KRT86: variants seen among roughly 807,000 people sequenced by gnomAD.
KRT86 encodes keratin, type II cuticular Hb6.
A neutral mutation model predicts 41.2 loss-of-function variants in KRT86; 30 were observed. That is an observed-to-expected ratio of 0.73 (90% CI 0.54 to 0.99). The LOEUF (loss-of-function observed/expected upper bound fraction) is 0.99, where lower values mean the gene tolerates loss of function less well. Among genes scored for constraint, KRT86 ranks in the 50% least tolerant of loss-of-function variants. KRT86 has a pLI of 0.00. For missense variants in KRT86, 561 were observed against 571.4 expected, an observed-to-expected ratio of 0.98 and a Z score of 0.19; for synonymous variants, 238 against 238.1, an observed-to-expected ratio of 1.00 and a Z score of 0.00.
chr12:52,287,139 C>T lies in KRT86; in HGVS notation c.-5+11193C>T, dbSNP rs759844211. On this transcript the variant is annotated intron_variant, in intron 2 of 10. Coordinates refer to ENST00000423955, the MANE Select transcript of KRT86 (RefSeq NM_001320198.2). ...CCCTCCAGCAGGCGCCTGTAGGTGG[C>T]GATCTCGATGTCCAGGCCCAGCTTG... 11 of 1,613,202 alleles carry T rather than the reference C, an allele frequency of 6.8e-6. No individual in the cohort carries two copies. The East Asian group carries it at 1.1e-4, about 16-fold the overall frequency.
chr12:52,301,100 G>A (rs1938361731), intron 2 of KRT86, among the ~76,000 whole-genome samples: 1 of 152,058 alleles, frequency 6.6e-6, no homozygotes, highest in African/African-American at 2.4e-5. Context: ...GTGTGTGTGT[G>A]AGATGGTGGG....
At chr12:52,287,739 G>C (rs375291221) in intron 2 of KRT86, 1 of 1,613,924 alleles carries the variant, frequency 6.2e-7, no homozygotes, top group African/African-American at 1.3e-5. Context: ...AAGTAGAGAT[G>C]CTCATGAGGT....
intron 2 of KRT86, chr12:52,291,639 C>T: frequency 3.2e-6 from 3 of 952,364 alleles, no homozygotes; most frequent in Middle Eastern, 3.2e-4. Flanking sequence ...GGGTGGTTAG[C>T]CGGGTCTAAC....
At chr12:52,277,143 T>A (rs1031067792) in intron 2 of KRT86, among the ~76,000 whole-genome samples, 6 of 152,178 alleles carry the variant, frequency 3.9e-5, no homozygotes, top group Non-Finnish European at 2.9e-5. Context: ...GATATTCTTC[T>A]TGCTAGTTTT....
At chr12:52,308,160 TC>T (rs1402311044) in intron 9 of KRT86, 72 bp from the exon 10 acceptor site, 11 of 1,592,656 alleles carry the variant, frequency 6.9e-6, no homozygotes, top group Middle Eastern at 1.7e-4. Context: ...GCCACAGATG[TC>T]CCCCTCCACT....
In KRT86 at chr12:52,308,648, A is replaced by T; in HGVS notation, c.*63A>T. On this transcript the variant is annotated 3_prime_UTR_variant, in exon 11 of 11. Coordinates refer to ENST00000423955, the MANE Select transcript of KRT86 (RefSeq NM_001320198.2). ...CTCCACCCAGCCAGTACCTCGCGCCACCAGAACGCGCCGCCCGCGCCGGCC... is the reference window on the plus strand; with the variant it reads ...CTCCACCCAGCCAGTACCTCGCGCCTCCAGAACGCGCCGCCCGCGCCGGCC... The T allele has an allele frequency of 6.6e-7, 1 of 1,520,692 alleles. No homozygotes were observed. Among genetic ancestry groups the T allele is most frequent in the Non-Finnish European group, 8.9e-7 (1 of 1,121,394 alleles). 94.2% of individuals were successfully genotyped at this position (1,520,692 alleles called of 1,614,324 possible).
At chr12:52,287,846 G>A (rs1282994283) in intron 2 of KRT86, 18 of 1,601,808 alleles carry the variant, frequency 1.1e-5, no homozygotes, top group African/African-American at 4.0e-5. Context: ...GTCCTGCCCT[G>A]CCACCCCAAC....
At chr12:52,287,583 A>G (rs1937989773) in intron 2 of KRT86, 1 of 1,613,940 alleles carries the variant, frequency 6.2e-7, no homozygotes. Context: ...CCTTGCGCAC[A>G]GATGCCCCAT....
At position 52,308,701 on chromosome 12, in the gene KRT86, A is replaced by C; in HGVS notation, c.*116A>C. The C allele has an allele frequency of 9.9e-7, 1 of 1,014,430 alleles. No individual in the cohort carries two copies. The highest frequency in any genetic ancestry group is 1.6e-5 in the African/African-American group (1 of 62,656). The allele number at this position is 1,014,430 out of a possible 1,614,324, so 62.8% of individuals were successfully genotyped here. Reference sequence around the variant, plus strand: ...CCAATAGCCGCCGCCCGCTGCCTGCACTCTAAGCGCCCTCCCCACCGCTCC... The same window carrying C: ...CCAATAGCCGCCGCCCGCTGCCTGCCCTCTAAGCGCCCTCCCCACCGCTCC... On this transcript the variant is annotated 3_prime_UTR_variant, in exon 11 of 11. Transcript: ENST00000423955.
At chr12:52,288,765 T>A (rs568109612) in intron 2 of KRT86, among the ~76,000 whole-genome samples, 1 of 151,996 alleles carries the variant, frequency 6.6e-6, no homozygotes, top group African/African-American at 2.4e-5. Flanking sequence ...ACCCTGACCC[T>A]TTCCTGTCCC....
rs4076515 is a variant in KRT86, at chr12:52,308,712, C to T, written c.*127C>T. ...CGCCCGCTGCCTGCACTCTAAGCGCCCTCCCCACCGCTCCGCTCCGGGAGC... is the reference window on the plus strand; with the variant it reads ...CGCCCGCTGCCTGCACTCTAAGCGCTCTCCCCACCGCTCCGCTCCGGGAGC... On this transcript the variant is annotated 3_prime_UTR_variant, in exon 11 of 11. Transcript: ENST00000423955. 426,663 of 875,672 alleles carry T rather than the reference C, an allele frequency of 0.49. 107,573 individuals are homozygous for T. The highest frequency in any genetic ancestry group is 0.68 in the African/African-American group (40,290 of 59,686). The allele number at this position is 875,672 out of a possible 1,614,324, so 54.2% of individuals were successfully genotyped here.
intron 9 of KRT86, chr12:52,306,871 G>A (rs1220957883): frequency 1.2e-5 from 2 of 164,626 alleles, no homozygotes; most frequent in African/African-American, 4.8e-5. Flanking sequence ...CAGAGGTGGG[G>A]GGAGTGGAGA....
At chr12:52,295,772 A>G (rs1349679491) in intron 2 of KRT86, among the ~76,000 whole-genome samples, 2 of 152,216 alleles carry the variant, frequency 1.3e-5, no homozygotes, top group African/African-American at 4.8e-5. Context: ...GAATGAATGA[A>G]AAGAATACCA....
Position 52,288,387 on chromosome 12 carries a change from C to T in KRT86, c.-5+12441C>T, listed in dbSNP as rs770828699. 46 of 1,614,034 alleles carry T rather than the reference C, an allele frequency of 2.9e-5. No individual in the cohort carries two copies. Among genetic ancestry groups the T allele is most frequent in the African/African-American group, 9.3e-5 (7 of 74,916 alleles). ...TCCTCATACAGCCGCCTCAGGAAGT[C>T]GATCTCCTGGATCAGGGCCTCCACG... On this transcript the variant is annotated intron_variant, in intron 2 of 10. Transcript: ENST00000423955.
Position 52,305,041 on chromosome 12 carries a change from G to A in KRT86, c.735+14G>A. On this transcript the variant is annotated intron_variant, in intron 6 of 10. Transcript: ENST00000423955. ...CTGTATGAGGAGGTGCGGGCTCAGGGGCCAGGCAGAGACCTGGCAGCCAGC... is the reference window on the plus strand; with the variant it reads ...CTGTATGAGGAGGTGCGGGCTCAGGAGCCAGGCAGAGACCTGGCAGCCAGC... 4.3e-6 allele frequency: 7 copies of A among 1,613,626 alleles called. No individual in the cohort carries two copies. Among genetic ancestry groups the A allele is most frequent in the Non-Finnish European group, 5.9e-6 (7 of 1,179,892 alleles).
At chr12:52,301,428 A>G (rs578215664) in intron 2 of KRT86, among the ~76,000 whole-genome samples, 2 of 151,988 alleles carry the variant, frequency 1.3e-5, no homozygotes, top group African/African-American at 4.8e-5. Flanking sequence ...CCCAAGTTCC[A>G]CATCAAGGGA....
At chr12:52,285,984 C>G (rs1937915608) in intron 2 of KRT86, 1 of 522,672 alleles carries the variant, frequency 1.9e-6, no homozygotes, top group East Asian at 3.3e-5. Context: ...AGGCAGTTGC[C>G]GTGGGCAAGG....
chr12:52,301,732 G>C (rs185180888), intron 2 of KRT86, 181 bp from the exon 3 acceptor site: 3 of 1,162,908 alleles, frequency 2.6e-6, no homozygotes, highest in Non-Finnish European at 3.7e-6. Flanking sequence ...AGTGGGGAGC[G>C]ACAGCAGCTA....
chr12:52,278,440 T>C (rs1592414448), intron 2 of KRT86, among the ~76,000 whole-genome samples: 1 of 78,862 alleles, frequency 1.3e-5, no homozygotes, highest in Non-Finnish European at 2.9e-5. Flanking sequence ...AAAGTGTAGT[T>C]TTTTTTTTTT....
Sources: allele counts gnomAD v4.1 joint callset (sites outside exome capture counted in the v4.1 genomes callset), GRCh38; gene constraint gnomAD v4.1.1; transcripts MANE v1.5; gene names NCBI Gene and HGNC (gene_info 2026-07-23, HGNC 2026-07-21).